The following ADAM32 variants were observed in gnomAD, a reference collection of about 807,000 sequenced individuals.
ADAM32 encodes the protein ADAM metallopeptidase domain 32.
In ADAM32, 89 loss-of-function variants were observed where a neutral mutation model predicts 114.9. The ratio of observed to expected loss-of-function variants is 0.77; its 90% CI spans 0.65 to 0.92. The LOEUF (loss-of-function observed/expected upper bound fraction) is 0.92, where lower values mean the gene tolerates loss of function less well. Among genes scored for constraint, ADAM32 ranks in the 40% least tolerant of loss-of-function variants. The pLI is 0.00. For synonymous variants in ADAM32, 285 were observed against 307.5 expected, an observed-to-expected ratio of 0.93 and a Z score of 0.77; for missense variants, 870 against 932.8, an observed-to-expected ratio of 0.93 and a Z score of 0.88.
chr8:39,207,537 T>G (rs1807928560), intron 11 of ADAM32, among the ~76,000 whole-genome samples: 1 of 152,206 alleles, frequency 6.6e-6, no homozygotes, highest in Non-Finnish European at 1.5e-5. Context: ...ACTATAAACA[T>G]TTATCATTTC....
chr8:39,137,768 C>T (rs1375020245), intron 3 of ADAM32, among the ~76,000 whole-genome samples: 7 of 28,746 alleles, frequency 2.4e-4, no homozygotes, highest in Non-Finnish European at 6.3e-4. Flanking sequence ...GAGACACTGT[C>T]TCAAAAAAAA....
At chr8:39,256,045 G>T (rs1215899955) in intron 18 of ADAM32, among the ~76,000 whole-genome samples, 1 of 151,840 alleles carries the variant, frequency 6.6e-6, no homozygotes, top group Non-Finnish European at 1.5e-5. Flanking sequence ...TACGTACTTG[G>T]CTTTATTTCT....
intron 10 of ADAM32, among the ~76,000 whole-genome samples, chr8:39,175,436 A>T (rs1043308980): frequency 3.3e-5 from 5 of 152,118 alleles, no homozygotes; most frequent in African/African-American, 1.2e-4. Flanking sequence ...TGAGATAATC[A>T]TGTGGTTTTT....
chr8:39,284,402 TACACACACATACAC>T (rs1182298672), intron 24 of ADAM32, among the ~76,000 whole-genome samples: 3 of 137,882 alleles, frequency 2.2e-5, no homozygotes, highest in African/African-American at 1.0e-4. Flanking sequence ...CACACACACG[TACACACACATACAC>T]ACACACACGG....
In ADAM32 at chr8:39,119,557, G is replaced by T. The variant is rs536450225; in HGVS notation, c.138+1392G>T. The stretch of plus-strand genomic sequence containing the variant: ...AATTATTCTCCTGTTTTAAAATTTA[G>T]TTGTTTATTTATTTTTGAGTTCTAT... On this transcript the variant is annotated intron_variant, in intron 2 of 24. Coordinates refer to ENST00000379907, the MANE Select transcript of ADAM32 (RefSeq NM_145004.7). Among the ~76,000 whole-genome samples, 81 of 152,030 alleles carry T rather than the reference G, an allele frequency of 5.3e-4. 1 individual carries two copies. The highest frequency in any genetic ancestry group is 1.7e-3 in the African/African-American group (72 of 41,488).
At chr8:39,115,872 T>C (rs1840354703) in intron 1 of ADAM32, among the ~76,000 whole-genome samples, 1 of 152,222 alleles carries the variant, frequency 6.6e-6, no homozygotes, top group African/African-American at 2.4e-5. Flanking sequence ...ATTTATAGTT[T>C]TAAGTTGTAC....
At chr8:39,239,060 A>ATT (rs1244577559) in intron 16 of ADAM32, among the ~76,000 whole-genome samples, 1 of 152,118 alleles carries the variant, frequency 6.6e-6, no homozygotes, top group Non-Finnish European at 1.5e-5. Flanking sequence ...AAATACAAGA[A>ATT]CCTCGAAGAA....
chr8:39,222,237 T>C (rs917728866), intron 13 of ADAM32, among the ~76,000 whole-genome samples: 4 of 152,064 alleles, frequency 2.6e-5, no homozygotes, highest in Non-Finnish European at 5.9e-5. Context: ...TCCTGTTTTC[T>C]GTTTTTCTTT....
At chr8:39,118,061 CT>C (rs746884956) in intron 1 of ADAM32, 24 bp from the exon 2 acceptor site, 192,039 of 951,166 alleles carry the variant, frequency 0.2, 67 homozygotes, top group South Asian at 0.22. Context: ...AGGTTACTAA[CT>C]TTTTTTTTTT....
At chr8:39,236,320 A>G (rs928146164) in intron 16 of ADAM32, among the ~76,000 whole-genome samples, 6 of 152,128 alleles carry the variant, frequency 3.9e-5, no homozygotes, top group Admixed American at 3.9e-4. Context: ...TGTATGTGCA[A>G]TTAATACAAG....
At chr8:39,274,444 T>C (rs1051345965) in intron 21 of ADAM32, 94 bp downstream of exon 21, 5 of 1,420,466 alleles carry the variant, frequency 3.5e-6, no homozygotes, top group African/African-American at 1.4e-5. Flanking sequence ...TTGAACAATG[T>C]CAATTGGTAA....
chr8:39,256,590 A>G (rs1811660700), intron 18 of ADAM32, among the ~76,000 whole-genome samples: 2 of 151,998 alleles, frequency 1.3e-5, no homozygotes, highest in Non-Finnish European at 2.9e-5. Context: ...TGGTCTACAC[A>G]CTGGGGATGT....
At chr8:39,247,318 A>G (rs1810991057) in intron 17 of ADAM32, among the ~76,000 whole-genome samples, 1 of 152,194 alleles carries the variant, frequency 6.6e-6, no homozygotes. Context: ...CATTCCCACC[A>G]GCAGTGAATG....
chr8:39,256,592 TG>T (rs1290070658), intron 18 of ADAM32, among the ~76,000 whole-genome samples: 2 of 152,042 alleles, frequency 1.3e-5, no homozygotes, highest in African/African-American at 4.8e-5. Flanking sequence ...GTCTACACAC[TG>T]GGGATGTACG....
In ADAM32 at chr8:39,205,403, C is replaced by T. The variant is rs546333198; in HGVS notation, c.1053-5741C>T. Among the ~76,000 whole-genome samples, 11 of 152,318 alleles carry T rather than the reference C, an allele frequency of 7.2e-5. No individual in the cohort carries two copies. The East Asian group carries it at 7.7e-4, about 11-fold the overall frequency. Reference sequence around the variant, plus strand: ...GCTGTGCTAGCAATGAGTGAGGCTCCGTGGGCGTGGGACCCTCTGAGCCAG... The same window carrying T: ...GCTGTGCTAGCAATGAGTGAGGCTCTGTGGGCGTGGGACCCTCTGAGCCAG... On this transcript the variant is annotated intron_variant, in intron 11 of 24. Transcript: ENST00000379907.
At chr8:39,192,253 C>G (rs1806658990) in intron 11 of ADAM32, among the ~76,000 whole-genome samples, 1 of 152,082 alleles carries the variant, frequency 6.6e-6, no homozygotes, top group Admixed American at 6.6e-5. Context: ...CATTTCTAAC[C>G]TTTACCATTA....
intron 14 of ADAM32, among the ~76,000 whole-genome samples, chr8:39,229,162 A>G (rs545374760): frequency 4.4e-4 from 67 of 152,370 alleles, no homozygotes; most frequent in South Asian, 8.3e-4. Flanking sequence ...AGCCACCACT[A>G]CAAGAACTGC....
At chr8:39,129,805 C>A in intron 2 of ADAM32, 1 of 307,384 alleles carries the variant, frequency 3.3e-6, no homozygotes. Flanking sequence ...CTTGGCCTTT[C>A]TTTTTGGGAA....
intron 6 of ADAM32, among the ~76,000 whole-genome samples, chr8:39,154,461 C>A (rs1804022865): frequency 6.6e-6 from 1 of 152,068 alleles, no homozygotes; most frequent in African/African-American, 2.4e-5. Context: ...TGGGTTGGTT[C>A]CAAGTCTTTG....
Sources: gnomAD v4.1 joint callset for allele counts (sites outside exome capture counted in the v4.1 genomes callset) on GRCh38, gnomAD v4.1.1 for gene constraint, MANE v1.5 for transcripts, NCBI Gene and HGNC (gene_info 2026-07-23, HGNC 2026-07-21) for gene names.